Variants in SAMMSON observed in about 807,000 individuals in gnomAD.
The protein encoded by SAMMSON is long intergenic non-protein coding RNA 1212.
At chr3:70,220,489 T>G (rs1035045564) in intron 4 of SAMMSON, among the ~76,000 whole-genome samples, 2 of 151,852 alleles carry the variant, frequency 1.3e-5, no homozygotes, top group African/African-American at 2.4e-5. Context: ...ACAGCAAAAA[T>G]TAAGAACTGG....
intron 4 of SAMMSON, among the ~76,000 whole-genome samples, chr3:70,156,509 T>C (rs1355475894): frequency 6.6e-6 from 1 of 152,016 alleles, no homozygotes; most frequent in East Asian, 1.9e-4. Flanking sequence ...TCATAATTGA[T>C]AGAGACAAGA....
chr3:70,277,304 A>T (rs997130083), intron 6 of SAMMSON, among the ~76,000 whole-genome samples: 1 of 152,166 alleles, frequency 6.6e-6, no homozygotes, highest in Non-Finnish European at 1.5e-5. Context: ...TTTATTCTGA[A>T]ACTAACCAAC....
chr3:70,263,740 C>T (rs1024888580), intron 6 of SAMMSON, among the ~76,000 whole-genome samples: 25 of 152,122 alleles, frequency 1.6e-4, no homozygotes, highest in Non-Finnish European at 3.5e-4. Context: ...CTCTGCCTCC[C>T]CAAATTTCAA....
At chr3:70,402,371 G>A (rs534909019) in intron 2 of SAMMSON, among the ~76,000 whole-genome samples, 1 of 152,120 alleles carries the variant, frequency 6.6e-6, no homozygotes. Context: ...CCTACAATAT[G>A]CATGCACAGT....
chr3:70,016,324 G>A lies in SAMMSON; in HGVS notation n.417+2652G>A, dbSNP rs554315312. 1.2e-4 allele frequency among the ~76,000 whole-genome samples: 18 copies of A among 152,242 alleles called. 1 individual carries two copies. The highest frequency in any genetic ancestry group is 4.1e-4 in the African/African-American group (17 of 41,516). On this transcript the variant is annotated intron_variant and non_coding_transcript_variant, in intron 3 of 9. Transcript: ENST00000642114. Reference sequence around the variant, plus strand: ...TTTCTCTGATGGCCAGTGATGATGAGCATTTTTTCATGTGTCTGTTGTCTG... The same window carrying A: ...TTTCTCTGATGGCCAGTGATGATGAACATTTTTTCATGTGTCTGTTGTCTG...
chr3:70,289,005 C>A (rs1702198339), intron 6 of SAMMSON, among the ~76,000 whole-genome samples: 1 of 152,190 alleles, frequency 6.6e-6, no homozygotes. Flanking sequence ...GGTCTTAAAT[C>A]TTTATCCAGT....
chr3:70,123,937 G>A (rs894095940), intron 4 of SAMMSON, among the ~76,000 whole-genome samples: 2 of 152,232 alleles, frequency 1.3e-5, no homozygotes, highest in Non-Finnish European at 2.9e-5. Flanking sequence ...AGCACAGGAA[G>A]TAGCATAGCA....
chr3:70,290,662 G>A (rs552567925), intron 6 of SAMMSON, among the ~76,000 whole-genome samples: 8 of 152,120 alleles, frequency 5.3e-5, no homozygotes, highest in East Asian at 1.9e-4. Context: ...CCCTAGCCTC[G>A]CTGCCGCCTT....
At position 70,067,148 on chromosome 3, in the gene SAMMSON, A is replaced by G. The variant is rs138025867; in HGVS notation, n.418-4328A>G. ...CAGAACTGAACAAACAAACAAACAA[A>G]AAAACCAAGGCAAACAAAACTTGGC... On this transcript the variant is annotated intron_variant and non_coding_transcript_variant, in intron 3 of 9. Coordinates refer to ENST00000642114, the Ensembl canonical transcript of SAMMSON. Among the ~76,000 whole-genome samples, 70 of 152,238 alleles carry G rather than the reference A, an allele frequency of 4.6e-4. 1 individual carries two copies. Among genetic ancestry groups the G allele is most frequent in the African/African-American group, 1.6e-3 (68 of 41,572 alleles).
At chr3:70,420,941 ATT>A (rs59075076) in intron 2 of SAMMSON, among the ~76,000 whole-genome samples, 6 of 151,142 alleles carry the variant, frequency 4.0e-5, no homozygotes, top group East Asian at 1.9e-4. Flanking sequence ...GTTTTGCTTT[ATT>A]TTTTTTTTAT....
At chr3:70,042,046 G>A (rs746489686) in intron 3 of SAMMSON, among the ~76,000 whole-genome samples, 5 of 152,060 alleles carry the variant, frequency 3.3e-5, no homozygotes, top group East Asian at 3.9e-4. Flanking sequence ...ATGGATCTCC[G>A]TCTACTCTGA....
chr3:70,179,962 C>G (rs1038018616), intron 4 of SAMMSON, among the ~76,000 whole-genome samples: 1 of 151,690 alleles, frequency 6.6e-6, no homozygotes, highest in Non-Finnish European at 1.5e-5. Context: ...TTCTTTTCCT[C>G]TCATCATGGG....
At chr3:70,382,865 T>C (rs1339525386) in intron 9 of SAMMSON, among the ~76,000 whole-genome samples, 1 of 152,174 alleles carries the variant, frequency 6.6e-6, no homozygotes, top group Non-Finnish European at 1.5e-5. Context: ...TATATGAATG[T>C]TGAAACCTTT....
chr3:70,272,196 G>C (rs932757085), intron 6 of SAMMSON: 17 of 152,144 alleles, frequency 1.1e-4, no homozygotes, highest in Non-Finnish European at 8.8e-5. Context: ...AATGCATAGT[G>C]GGGGTTTGAC....
chr3:70,369,479 G>A (rs1019144515), intron 9 of SAMMSON, among the ~76,000 whole-genome samples: 3 of 151,136 alleles, frequency 2.0e-5, no homozygotes, highest in Non-Finnish European at 3.0e-5. Context: ...GCCAACCAAA[G>A]CAGTTTAATT....
chr3:70,065,512 T>A (rs2067206304), intron 3 of SAMMSON, among the ~76,000 whole-genome samples: 1 of 152,208 alleles, frequency 6.6e-6, no homozygotes, highest in Non-Finnish European at 1.5e-5. Context: ...AAAAGTGCTT[T>A]GTGTTTTGTT....
At chr3:70,328,533 A>G (rs562887333) in intron 7 of SAMMSON, among the ~76,000 whole-genome samples, 3 of 152,266 alleles carry the variant, frequency 2.0e-5, no homozygotes, top group African/African-American at 7.2e-5. Flanking sequence ...ATGCAAAACA[A>G]AAATGAGTTG....
intron 4 of SAMMSON, among the ~76,000 whole-genome samples, chr3:70,105,262 G>A (rs73836099): frequency 0.019 from 2,857 of 152,246 alleles, 88 homozygotes; most frequent in African/African-American, 0.063. Flanking sequence ...CAAAAGAGAC[G>A]TAAAATAGCA....
chr3:70,357,816 G>A (rs954048192), intron 8 of SAMMSON, among the ~76,000 whole-genome samples: 2 of 152,136 alleles, frequency 1.3e-5, no homozygotes, highest in Non-Finnish European at 2.9e-5. Flanking sequence ...ATGACAAAAT[G>A]TGTCAAATTT....
Sources: allele counts gnomAD v4.1 joint callset (sites outside exome capture counted in the v4.1 genomes callset), GRCh38; gene constraint gnomAD v4.1.1; transcripts MANE v1.5; gene names NCBI Gene and HGNC (gene_info 2026-07-23, HGNC 2026-07-21).